Variants in SLIT3 observed in about 807,000 individuals in gnomAD.
SLIT3 encodes the protein slit homolog 3 protein.
SLIT3 carries 68 observed loss-of-function variants against 184.0 expected under a neutral mutation model. That is an observed-to-expected ratio of 0.37 (90% CI 0.30 to 0.45). SLIT3 has a LOEUF of 0.45. Among genes scored for constraint, SLIT3 ranks in the 20% least tolerant of loss-of-function variants. The probability of loss-of-function intolerance (pLI) is 1.00; values close to 1 mark genes in which losing one functional copy is unlikely to be tolerated. For missense variants in SLIT3, 1,707 were observed against 2,026.0 expected (o/e 0.84, Z 3.02); for synonymous variants, 831 against 828.6 (o/e 1.00, Z -0.05).
intron 5 of SLIT3, among the ~76,000 whole-genome samples, chr5:168,876,612 T>C (rs1035783377): frequency 4.6e-5 from 7 of 152,220 alleles, no homozygotes; most frequent in Non-Finnish European, 8.8e-5. Context: ...TGAACTCCTA[T>C]GCATCCTTCA....
chr5:168,696,099 T>A (rs1333081633), intron 28 of SLIT3, among the ~76,000 whole-genome samples, 193 bp downstream of exon 28: 1 of 152,210 alleles, frequency 6.6e-6, no homozygotes, highest in Non-Finnish European at 1.5e-5. Flanking sequence ...AGCAGTGATT[T>A]GCTGGTGGCT....
At chr5:169,127,581 C>G (rs1374874399) in intron 4 of SLIT3, among the ~76,000 whole-genome samples, 1 of 152,182 alleles carries the variant, frequency 6.6e-6, no homozygotes, top group Non-Finnish European at 1.5e-5. Context: ...ATGGGTTTAT[C>G]TAACTCTATT....
chr5:169,092,975 T>C (rs1288232904), intron 4 of SLIT3, among the ~76,000 whole-genome samples: 1 of 152,234 alleles, frequency 6.6e-6, no homozygotes, highest in Non-Finnish European at 1.5e-5. Flanking sequence ...TGCAGAGAGC[T>C]TGCTGTGTTT....
In SLIT3 at chr5:169,300,667, G is replaced by T. The variant is rs948426203; in HGVS notation, c.43C>A (p.Arg15Ser). ...GCCAGCGCCAAGGCCAGCGCCAGGC[G>T]GGCGCGCACGGCGGCGCCGACCCCT... ...WAGVGAAVRA[R>S]LALALALASV... is the part of the protein sequence containing the mutation. Residue 15 changes from arginine (R) to serine (S), a missense_variant, in exon 1 of 36, where the codon CGC becomes AGC. Transcript: ENST00000519560. This position sits in a 1 kb window ranked among gnomAD's most constrained non-coding sequence, Gnocchi z 4.1. 9.8e-5 allele frequency: 139 copies of T among 1,414,676 alleles called. No individual in the cohort carries two copies. The highest frequency in any genetic ancestry group is 1.2e-4 in the Non-Finnish European group (129 of 1,092,782). 87.6% of individuals were successfully genotyped at this position (1,414,676 alleles called of 1,614,324 possible). A position where few individuals can be genotyped will look rare whatever the true frequency, so the allele number is the denominator to read the frequency against.
chr5:169,210,313 A>C (rs1281434806), intron 3 of SLIT3, among the ~76,000 whole-genome samples: 1 of 152,212 alleles, frequency 6.6e-6, no homozygotes, highest in Non-Finnish European at 1.5e-5. Flanking sequence ...GGGCAAATAA[A>C]TGCACAAAAA....
intron 6 of SLIT3, among the ~76,000 whole-genome samples, chr5:168,830,394 G>C (rs924094663): frequency 7.9e-5 from 12 of 152,160 alleles, no homozygotes; most frequent in Non-Finnish European, 1.5e-4. Context: ...GGGGCTCTAG[G>C]AAGCTCCAGA....
intron 3 of SLIT3, among the ~76,000 whole-genome samples, chr5:169,196,383 A>AGTTTC (rs953096040): frequency 6.6e-6 from 1 of 152,174 alleles, no homozygotes; most frequent in African/African-American, 2.4e-5. Flanking sequence ...TTTGGACCTC[A>AGTTTC]GTTTCAGATC....
At chr5:169,110,018 C>A (rs1408457380) in intron 4 of SLIT3, among the ~76,000 whole-genome samples, 13 of 152,154 alleles carry the variant, frequency 8.5e-5, no homozygotes, top group African/African-American at 2.2e-4. Flanking sequence ...AATCACTACA[C>A]CCCTGGAGCA....
intron 9 of SLIT3, among the ~76,000 whole-genome samples, chr5:168,798,036 C>T (rs1237188403): frequency 6.6e-6 from 1 of 151,816 alleles, no homozygotes; most frequent in Non-Finnish European, 1.5e-5. Context: ...TGCAGGAGCC[C>T]AGAGAAGATG....
chr5:169,090,403 G>A (rs1759531813), intron 4 of SLIT3, among the ~76,000 whole-genome samples: 1 of 152,220 alleles, frequency 6.6e-6, no homozygotes, highest in Non-Finnish European at 1.5e-5. Flanking sequence ...ACTGCAGCCT[G>A]CAGAGATCAA....
chr5:169,030,763 G>A (rs1156686014), intron 4 of SLIT3, among the ~76,000 whole-genome samples: 2 of 152,158 alleles, frequency 1.3e-5, no homozygotes, highest in Non-Finnish European at 2.9e-5. Flanking sequence ...TATGAGTTAA[G>A]GAGGATAAAC....
intron 20 of SLIT3, among the ~76,000 whole-genome samples, chr5:168,746,672 G>A (rs955202728): frequency 1.1e-5 from 1 of 91,316 alleles, no homozygotes; most frequent in Admixed American, 1.2e-4. Flanking sequence ...TGAGTGTGGT[G>A]GTATGGTGGT....
chr5:168,948,023 C>G (rs1762539599), intron 4 of SLIT3, among the ~76,000 whole-genome samples: 3 of 152,054 alleles, frequency 2.0e-5, no homozygotes, highest in South Asian at 4.1e-4. Context: ...AACTCCTGAC[C>G]TCAAGTGATC....
At chr5:169,129,382 T>G (rs1761204150) in intron 4 of SLIT3, among the ~76,000 whole-genome samples, 1 of 151,988 alleles carries the variant, frequency 6.6e-6, no homozygotes, top group African/African-American at 2.4e-5. Context: ...TGAAACCCTG[T>G]CTCTACTAAA....
In SLIT3 at chr5:169,142,049, CAAAAAA is replaced by C. The variant is rs1200908102; in HGVS notation, c.413+51424_413+51429del. ...TGGGCGGCAGAGCGAGACTCCTACT[CAAAAAA>C]AAAATAAAAATAAAAATAAAAATAA... On this transcript the variant is annotated intron_variant, in intron 4 of 35. Coordinates refer to ENST00000519560, the MANE Select transcript of SLIT3 (RefSeq NM_003062.4). 6.6e-5 allele frequency among the ~76,000 whole-genome samples: 7 copies of C among 106,672 alleles called. No individual in the cohort carries two copies. In the East Asian group the frequency reaches 1.3e-3, roughly 20 times the overall value. 70.0% of individuals were successfully genotyped at this position (106,672 alleles called of 152,430 possible). A position where few individuals can be genotyped will look rare whatever the true frequency, so the allele number is the denominator to read the frequency against.
At chr5:168,880,769 T>A (rs754496751) in intron 5 of SLIT3, among the ~76,000 whole-genome samples, 11 of 152,194 alleles carry the variant, frequency 7.2e-5, no homozygotes, top group Non-Finnish European at 1.5e-4. Context: ...CATACTTCTA[T>A]CAGACCGCCA....
At chr5:169,265,204 T>A (rs916413834) in intron 1 of SLIT3, among the ~76,000 whole-genome samples, 3 of 152,140 alleles carry the variant, frequency 2.0e-5, no homozygotes, top group African/African-American at 7.2e-5. Context: ...AGCTCTTTAC[T>A]GGGAACAGCA....
chr5:169,237,246 T>C (rs1345081344), intron 3 of SLIT3, among the ~76,000 whole-genome samples: 3 of 152,202 alleles, frequency 2.0e-5, no homozygotes, highest in African/African-American at 7.2e-5. Context: ...CATGACTTTT[T>C]AAAAATTTGC....
At chr5:169,084,177 T>TC (rs994591193) in intron 4 of SLIT3, among the ~76,000 whole-genome samples, 9 of 151,976 alleles carry the variant, frequency 5.9e-5, no homozygotes, top group African/African-American at 2.2e-4. Context: ...TAGCCTAGGC[T>TC]CCCTCACACA....
Sources: allele counts gnomAD v4.1 joint callset (sites outside exome capture counted in the v4.1 genomes callset), GRCh38; gene constraint gnomAD v4.1.1; non-coding constraint Gnocchi (gnomAD v3.1); transcripts MANE v1.5; gene names NCBI Gene and HGNC (gene_info 2026-07-23, HGNC 2026-07-21).